Variants in EPHA6 observed in about 807,000 individuals in gnomAD.
EPHA6 encodes the protein ephrin type-A receptor 6.
Under a neutral mutation model 112.0 loss-of-function variants are expected in EPHA6, and 50 were observed. That is an observed-to-expected ratio of 0.45 (90% CI 0.36 to 0.56). The LOEUF is 0.56. EPHA6 is among the 20% of genes least tolerant of loss of function. The pLI, the probability that EPHA6 is intolerant of heterozygous loss-of-function variation, is 0.00. For missense variants in EPHA6, 1,280 were observed against 1,417.4 expected (o/e 0.90, Z 1.56); for synonymous variants, 529 against 490.7 (o/e 1.08, Z -1.03).
chr3:97,038,737 G>A (rs2045202781), intron 3 of EPHA6, among the ~76,000 whole-genome samples: 1 of 152,044 alleles, frequency 6.6e-6, no homozygotes, highest in Admixed American at 6.6e-5. Context: ...AGGGAGCCCA[G>A]TGGGGAAGCT....
At chr3:97,736,470 A>T (rs4525908) in intron 16 of EPHA6, among the ~76,000 whole-genome samples, 51,306 of 118,230 alleles carry the variant, frequency 0.43, 10,548 homozygotes, top group Middle Eastern at 0.47. Context: ...AGAGAGAGAG[A>T]GTGTGTGTGT....
At chr3:97,550,163 G>A (rs913694685) in intron 11 of EPHA6, among the ~76,000 whole-genome samples, 4 of 152,190 alleles carry the variant, frequency 2.6e-5, no homozygotes, top group African/African-American at 9.6e-5. Context: ...TAACAGTCTT[G>A]CTTGGGGGAA....
At chr3:97,349,352 A>G (rs901160500) in intron 5 of EPHA6, among the ~76,000 whole-genome samples, 1 of 152,056 alleles carries the variant, frequency 6.6e-6, no homozygotes, top group Non-Finnish European at 1.5e-5. Flanking sequence ...CAAATATGTG[A>G]GTATGCTTTG....
At chr3:97,031,965 ATAAAT>A (rs1473934813) in intron 3 of EPHA6, among the ~76,000 whole-genome samples, 1 of 151,988 alleles carries the variant, frequency 6.6e-6, no homozygotes. Context: ...CCAAAGGATT[ATAAAT>A]TATGCTGCTA....
At chr3:97,006,271 A>G (rs7614814) in intron 3 of EPHA6, among the ~76,000 whole-genome samples, 3,634 of 152,256 alleles carry the variant, frequency 0.024, 150 homozygotes, top group African/African-American at 0.083. Context: ...TTGGTAGGCT[A>G]TTAATTACTG....
intron 5 of EPHA6, among the ~76,000 whole-genome samples, chr3:97,277,457 G>A (rs2080130050): frequency 6.6e-6 from 1 of 152,082 alleles, no homozygotes; most frequent in African/African-American, 2.4e-5. Context: ...TTTTGTGGTG[G>A]AATGTCATTA....
intron 3 of EPHA6, among the ~76,000 whole-genome samples, chr3:97,011,116 T>C (rs569329652): frequency 6.6e-6 from 1 of 152,156 alleles, no homozygotes; most frequent in Non-Finnish European, 1.5e-5. Context: ...GGAAAGCAGC[T>C]TTATTCAAGT....
chr3:96,978,014 G>A (rs1331185423), intron 2 of EPHA6, among the ~76,000 whole-genome samples: 1 of 152,166 alleles, frequency 6.6e-6, no homozygotes, highest in African/African-American at 2.4e-5. Context: ...CAAAAAATTA[G>A]CTGGGCATGG....
intron 10 of EPHA6, among the ~76,000 whole-genome samples, chr3:97,493,254 A>ATGTG (rs1200395174): frequency 1.3e-5 from 2 of 150,576 alleles, no homozygotes; most frequent in African/African-American, 2.4e-5. Context: ...TTGTGTTTGT[A>ATGTG]TGTGTGTGTG....
intron 7 of EPHA6, among the ~76,000 whole-genome samples, chr3:97,453,110 T>C (rs1389579668): frequency 6.6e-6 from 1 of 151,756 alleles, no homozygotes; most frequent in East Asian, 1.9e-4. Flanking sequence ...TCCATATATA[T>C]AGTAGCAGTA....
chr3:97,434,300 T>C (rs916267321), intron 6 of EPHA6, among the ~76,000 whole-genome samples: 1 of 152,132 alleles, frequency 6.6e-6, no homozygotes, highest in Non-Finnish European at 1.5e-5. Flanking sequence ...TTAATTCATA[T>C]AGTAGCTTTG....
At chr3:97,368,290 CTA>C (rs1330126784) in intron 5 of EPHA6, among the ~76,000 whole-genome samples, 3 of 152,042 alleles carry the variant, frequency 2.0e-5, no homozygotes, top group African/African-American at 7.2e-5. Flanking sequence ...AAATGAGAGA[CTA>C]TGTCATTTCT....
At chr3:97,648,679 G>A in intron 14 of EPHA6, 1 of 1,042,006 alleles carries the variant, frequency 9.6e-7, no homozygotes, top group South Asian at 4.6e-5. Flanking sequence ...CACTCACTTT[G>A]TCTCTTAAAT....
At chr3:97,641,428 G>C (rs371510514) in intron 14 of EPHA6, among the ~76,000 whole-genome samples, 29 of 152,292 alleles carry the variant, frequency 1.9e-4, no homozygotes, top group Middle Eastern at 3.4e-3. Flanking sequence ...TGAAAAGGGT[G>C]GGGGAGGAGC....
intron 2 of EPHA6, among the ~76,000 whole-genome samples, chr3:96,898,457 C>G (rs1350309625): frequency 1.3e-5 from 2 of 152,126 alleles, no homozygotes; most frequent in East Asian, 3.9e-4. Context: ...TTCCAGCTAC[C>G]ACTTGTCTGA....
At chr3:97,651,338 C>A (rs906778291) in intron 14 of EPHA6, among the ~76,000 whole-genome samples, 1 of 151,818 alleles carries the variant, frequency 6.6e-6, no homozygotes, top group Non-Finnish European at 1.5e-5. Flanking sequence ...AAAGCACTTA[C>A]AATGATGGGT....
At chr3:97,372,768 T>G (rs1166066599) in intron 5 of EPHA6, among the ~76,000 whole-genome samples, 1 of 152,136 alleles carries the variant, frequency 6.6e-6, no homozygotes, top group Non-Finnish European at 1.5e-5. Flanking sequence ...ATATATTATG[T>G]TATTACATAT....
intron 14 of EPHA6, among the ~76,000 whole-genome samples, chr3:97,659,795 T>C (rs2094158529): frequency 6.6e-6 from 1 of 152,034 alleles, no homozygotes; most frequent in Admixed American, 6.6e-5. Flanking sequence ...ATAAAATGAT[T>C]ATAAATTATT....
intron 5 of EPHA6, among the ~76,000 whole-genome samples, chr3:97,302,955 T>C (rs1378506009): frequency 6.6e-6 from 1 of 151,944 alleles, no homozygotes; most frequent in African/African-American, 2.4e-5. Context: ...GTTGTTATTT[T>C]TATGTGATAA....
Sources: allele counts gnomAD v4.1 joint callset (sites outside exome capture counted in the v4.1 genomes callset), GRCh38; gene constraint gnomAD v4.1.1; transcripts MANE v1.5; gene names NCBI Gene and HGNC (gene_info 2026-07-23, HGNC 2026-07-21).